Variants in CXCL13 observed in about 807,000 individuals in gnomAD.
CXCL13 encodes C-X-C motif chemokine 13.
Under a neutral mutation model 12.2 loss-of-function variants are expected in CXCL13, and 7 were observed. The ratio of observed to expected loss-of-function variants is 0.57; its 90% CI spans 0.33 to 1.07. The LOEUF is 1.07. Ranked by LOEUF, CXCL13 falls within the 50% of genes least tolerant of loss-of-function variation. The pLI is 0.04. For synonymous variants in CXCL13, 47 were observed against 42.4 expected, an observed-to-expected ratio of 1.11 and a Z score of -0.42; for missense variants, 113 against 127.4, an observed-to-expected ratio of 0.89 and a Z score of 0.55.
At chr4:77,566,881 T>C (rs560587307) in intron 1 of CXCL13, among the ~76,000 whole-genome samples, 1 of 152,336 alleles carries the variant, frequency 6.6e-6, no homozygotes, top group African/African-American at 2.4e-5. Context: ...AAGGTAATTT[T>C]GGGTGTCGGG....
At chr4:77,538,493 T>C (rs1168055040) in intron 1 of CXCL13, among the ~76,000 whole-genome samples, 1 of 151,810 alleles carries the variant, frequency 6.6e-6, no homozygotes, top group Non-Finnish European at 1.5e-5. Context: ...CATCACCTTT[T>C]CTCCACACCC....
chr4:77,595,657 G>A lies in CXCL13; in HGVS notation c.-42-10167G>A, dbSNP rs78968369. 3.4e-4 allele frequency among the ~76,000 whole-genome samples: 52 copies of A among 151,468 alleles called. No individual in the cohort carries two copies. In the East Asian group the frequency reaches 8.9e-3, roughly 26 times the overall value. ...ATAACTTTGTCCTACTTGCCTATAGGGCCTCTGTCCTGCACCCCCAAAGAG... is the reference window on the plus strand; with the variant it reads ...ATAACTTTGTCCTACTTGCCTATAGAGCCTCTGTCCTGCACCCCCAAAGAG... On this transcript the variant is annotated intron_variant, in intron 1 of 4. Coordinates refer to the CXCL13 transcript ENST00000286758.
At chr4:77,573,054 G>C (rs1044750427) in intron 1 of CXCL13, among the ~76,000 whole-genome samples, 4 of 151,786 alleles carry the variant, frequency 2.6e-5, no homozygotes, top group Non-Finnish European at 5.9e-5. Context: ...TGGACACGTA[G>C]AGGGAAACAA....
At chr4:77,565,353 C>A (rs371870050) in intron 1 of CXCL13, among the ~76,000 whole-genome samples, 1 of 152,172 alleles carries the variant, frequency 6.6e-6, no homozygotes, top group Non-Finnish European at 1.5e-5. Context: ...AAACACAACT[C>A]AGATTCAACC....
At chr4:77,535,298 C>G (rs1004063127) in intron 1 of CXCL13, among the ~76,000 whole-genome samples, 1 of 152,156 alleles carries the variant, frequency 6.6e-6, no homozygotes, top group Admixed American at 6.5e-5. Context: ...TGACATACTT[C>G]TTTCTTGACA....
intron 1 of CXCL13, among the ~76,000 whole-genome samples, chr4:77,556,156 T>C (rs544372120): frequency 1.3e-5 from 2 of 152,296 alleles, no homozygotes; most frequent in East Asian, 3.9e-4. Flanking sequence ...ACACAAATGC[T>C]CATAGTAGCT....
At chr4:77,546,699 T>G (rs530742921) in intron 1 of CXCL13, among the ~76,000 whole-genome samples, 1 of 152,364 alleles carries the variant, frequency 6.6e-6, no homozygotes, top group South Asian at 2.1e-4. Flanking sequence ...AGCTCCTGGA[T>G]TCATTGATGT....
intron 1 of CXCL13, among the ~76,000 whole-genome samples, chr4:77,528,817 C>T (rs1353715873): frequency 6.6e-6 from 1 of 152,138 alleles, no homozygotes; most frequent in Non-Finnish European, 1.5e-5. Context: ...CTTTTGTTGC[C>T]ATTGCTTTTG....
chr4:77,520,835 T>C (rs1389820903), intron 1 of CXCL13, among the ~76,000 whole-genome samples: 1 of 152,224 alleles, frequency 6.6e-6, no homozygotes, highest in Non-Finnish European at 1.5e-5. Flanking sequence ...CCATTCAGTA[T>C]GATATTGGTT....
chr4:77,571,343 C>G (rs918774286), intron 1 of CXCL13, among the ~76,000 whole-genome samples: 2 of 151,626 alleles, frequency 1.3e-5, no homozygotes, highest in African/African-American at 4.9e-5. Context: ...TGTGAGTGCA[C>G]CAATCGACAC....
intron 1 of CXCL13, among the ~76,000 whole-genome samples, chr4:77,574,107 G>C (rs1259714030): frequency 1.3e-5 from 2 of 151,900 alleles, no homozygotes; most frequent in Non-Finnish European, 2.9e-5. Flanking sequence ...AGAGGCGTAT[G>C]GTTAAAAGTC....
chr4:77,520,137 G>A (rs548914480), intron 1 of CXCL13, among the ~76,000 whole-genome samples: 3 of 152,288 alleles, frequency 2.0e-5, no homozygotes, highest in South Asian at 2.1e-4. Flanking sequence ...ATAGTTTGAG[G>A]TCAGGTAGCG....
chr4:77,608,493 T>A (rs1727059761), intron 2 of CXCL13, among the ~76,000 whole-genome samples: 1 of 151,966 alleles, frequency 6.6e-6, no homozygotes, highest in African/African-American at 2.4e-5. Flanking sequence ...TCCATTCACA[T>A]TTTCCCCGTT....
chr4:77,604,622 A>G (rs865909657), upstream of CXCL13, among the ~76,000 whole-genome samples: 16 of 152,090 alleles, frequency 1.1e-4, no homozygotes, highest in Non-Finnish European at 7.4e-5. Context: ...TAGAAGTGCC[A>G]AACAATAGAA....
chr4:77,598,361 G>A (rs560337424), intron 1 of CXCL13, among the ~76,000 whole-genome samples: 11 of 152,212 alleles, frequency 7.2e-5, no homozygotes, highest in South Asian at 4.1e-4. Flanking sequence ...AGTGCCTGTC[G>A]TCTTGCCATG....
intron 1 of CXCL13, among the ~76,000 whole-genome samples, chr4:77,520,470 TG>T (rs1469869328): frequency 2.0e-5 from 3 of 152,208 alleles, no homozygotes; most frequent in Admixed American, 2.0e-4. Flanking sequence ...GTATTCTTTT[TG>T]CAGCAATTGT....
chr4:77,533,820 G>A (rs918343807), intron 1 of CXCL13, among the ~76,000 whole-genome samples: 7 of 152,216 alleles, frequency 4.6e-5, no homozygotes, highest in Non-Finnish European at 7.3e-5. Flanking sequence ...CATGGGCATA[G>A]GACCCTCTGA....
Position 77,611,005 on chromosome 4 carries a change from T to C in CXCL13, c.296T>C (p.Leu99Pro), listed in dbSNP as rs1727136286. Reference sequence around the variant, plus strand: ...CTTCACAGAAGAAGTTCTTCAACTCTACCAGTTCCAGTGTTTAAGAGAAAG... The same window carrying C: ...CTTCACAGAAGAAGTTCTTCAACTCCACCAGTTCCAGTGTTTAAGAGAAAG... ...EVLRKRSSST[L>P]PVPVFKRKIP Residue 99 changes from leucine (L) to proline (P), a missense_variant, in exon 4 of 4, where the codon CTA (leucine) becomes CCA (proline). Coordinates refer to ENST00000682537, the MANE Select transcript of CXCL13 (RefSeq NM_001371558.1). 1 of 1,611,260 alleles carries C rather than the reference T, an allele frequency of 6.2e-7. No individual in the cohort carries two copies. Among genetic ancestry groups the C allele is most frequent in the Non-Finnish European group, 8.5e-7 (1 of 1,179,668 alleles).
At chr4:77,603,108 C>G (rs1726927237), upstream of CXCL13, among the ~76,000 whole-genome samples, 1 of 152,212 alleles carries the variant, frequency 6.6e-6, no homozygotes, top group African/African-American at 2.4e-5. Context: ...ATTCAGAGCT[C>G]TCTTTCAGGT....
Sources: gnomAD v4.1 joint callset for allele counts (sites outside exome capture counted in the v4.1 genomes callset) on GRCh38, gnomAD v4.1.1 for gene constraint, MANE v1.5 for transcripts, NCBI Gene and HGNC (gene_info 2026-07-23, HGNC 2026-07-21) for gene names.